Variants in POLK observed in about 807,000 individuals in gnomAD.
The protein encoded by POLK is polymerase (DNA directed) kappa.
Under a neutral mutation model 94.0 loss-of-function variants are expected in POLK, and 76 were observed. That is an observed-to-expected ratio of 0.81 (90% CI 0.67 to 0.98). POLK has a LOEUF of 0.98. Among genes scored for constraint, POLK ranks in the 50% least tolerant of loss-of-function variants. POLK has a pLI of 0.00. For missense variants in POLK, 954 were observed against 1,010.1 expected, an observed-to-expected ratio of 0.94 and a Z score of 0.75; for synonymous variants, 349 against 325.4, an observed-to-expected ratio of 1.07 and a Z score of -0.78.
chr5:75,579,016 C>T (rs746180055), intron 6 of POLK, among the ~76,000 whole-genome samples: 3 of 152,176 alleles, frequency 2.0e-5, no homozygotes, highest in Admixed American at 6.5e-5. Context: ...GAAACTACTT[C>T]AGCTCTTAGT....
In POLK at chr5:75,569,662, G is replaced by A. The variant is rs149547209; in HGVS notation, c.408+170G>A. ...TCCTTTCAACATACTTTAAGGCAGG[G>A]GACCCCAACCCCCAGTTCACAGATT... On this transcript the variant is annotated intron_variant, in intron 4 of 14. Transcript: ENST00000241436. Among the ~76,000 whole-genome samples the A allele has an allele frequency of 7.2e-4, 110 of 152,188 alleles. 1 individual carries two copies. Among genetic ancestry groups the A allele is most frequent in the African/African-American group, 2.6e-3 (106 of 41,532 alleles).
At position 75,578,778 on chromosome 5, in the gene POLK, G is replaced by A. The variant is rs5744660; in HGVS notation, c.694+1845G>A. The stretch of plus-strand genomic sequence containing the variant: ...CATTTTCTAAAAGGTGTTTGTCTTT[G>A]GAAATATATTGCTAACTACCATCTC... On this transcript the variant is annotated intron_variant, in intron 6 of 14. Coordinates refer to ENST00000241436, the Ensembl canonical transcript of POLK. 7.2e-4 allele frequency among the ~76,000 whole-genome samples: 109 copies of A among 152,080 alleles called. 1 individual carries two copies. The highest frequency in any genetic ancestry group is 6.8e-3 in the Middle Eastern group (2 of 294).
chr5:75,514,625 T>C (rs1405279486), intron 1 of POLK, among the ~76,000 whole-genome samples: 7 of 152,234 alleles, frequency 4.6e-5, no homozygotes, highest in Non-Finnish European at 7.3e-5. Context: ...AGATCATCGC[T>C]AGTGAATAGT....
intron 11 of POLK, among the ~76,000 whole-genome samples, chr5:75,593,348 T>C (rs1010222111): frequency 2.0e-5 from 3 of 152,018 alleles, no homozygotes; most frequent in African/African-American, 7.3e-5. Flanking sequence ...GCCAGGCTGG[T>C]CTTGAACTCC....
intron 6 of POLK, 93 bp downstream of exon 6, chr5:75,577,026 A>C: frequency 1.4e-6 from 1 of 735,572 alleles, no homozygotes; most frequent in Non-Finnish European, 2.1e-6. Context: ...ATTAGCCTGC[A>C]TAGGTAGAAG....
chr5:75,592,412 T>C (rs553612270), intron 11 of POLK, among the ~76,000 whole-genome samples: 4 of 152,314 alleles, frequency 2.6e-5, no homozygotes, highest in Admixed American at 2.0e-4. Context: ...TAATGGTCTT[T>C]TATAAAAATT....
At chr5:75,575,073 A>G (rs1463447572) in intron 5 of POLK, among the ~76,000 whole-genome samples, 3 of 152,214 alleles carry the variant, frequency 2.0e-5, no homozygotes, top group Non-Finnish European at 4.4e-5. Flanking sequence ...TAGCTAGTTT[A>G]TATGCAGATA....
intron 4 of POLK, among the ~76,000 whole-genome samples, chr5:75,571,142 T>A (rs906076509): frequency 6.6e-6 from 1 of 152,200 alleles, no homozygotes; most frequent in Non-Finnish European, 1.5e-5. Flanking sequence ...TCAGTTATTG[T>A]TTCTAAATTC....
At chr5:75,545,032 C>A (rs573873273) in intron 1 of POLK, among the ~76,000 whole-genome samples, 4 of 152,200 alleles carry the variant, frequency 2.6e-5, no homozygotes, top group Admixed American at 2.6e-4. Context: ...CTTCTACTCC[C>A]AGACCTTCTG....
intron 5 of POLK, among the ~76,000 whole-genome samples, chr5:75,574,439 A>G (rs1392034255): frequency 2.0e-5 from 3 of 152,196 alleles, no homozygotes. Context: ...AAACTGTCAT[A>G]TGTGAAAACC....
Position 75,573,755 on chromosome 5 carries a change from T to C in POLK, c.426T>C (p.His142=), listed in dbSNP as rs756821311. 125 of 1,613,104 alleles carry C rather than the reference T, an allele frequency of 7.7e-5. No homozygotes were observed. In the Admixed American group the frequency reaches 8.7e-4, roughly 11 times the overall value. ...TCTTTCAGTCTACTTCAAATTACCATGCAAGGAGATTTGGTGTTCGTGCAG... is the reference window on the plus strand; with the variant it reads ...TCTTTCAGTCTACTTCAAATTACCACGCAAGGAGATTTGGTGTTCGTGCAG... Residue 142 remains histidine, a synonymous_variant, in exon 5 of 15, where the codon CAT becomes CAC. Coordinates refer to ENST00000241436, the Ensembl canonical transcript of POLK.
rs753777812 is a variant in POLK at position 75,587,005 on chromosome 5, AC to A, written c.1227-19del. On this transcript the variant is annotated intron_variant, in intron 9 of 14. Transcript: ENST00000241436. ...AAAACTCAGTCTTTGAAAAATAAAG[AC>A]CTTTTTTTTTCATTTCAAGGGATGG... is the stretch of plus-strand genomic sequence containing the variant. 54 of 1,527,752 alleles carry A rather than the reference AC, an allele frequency of 3.5e-5. No individual in the cohort carries two copies. The East Asian group carries it at 1.0e-3, about 29-fold the overall frequency. 94.6% of individuals were successfully genotyped at this position (1,527,752 alleles called of 1,614,324 possible). A position where few individuals can be genotyped will look rare whatever the true frequency, so the allele number is the denominator to read the frequency against.
chr5:75,589,173 C>T (rs763361146), intron 10 of POLK, among the ~76,000 whole-genome samples: 19 of 151,822 alleles, frequency 1.3e-4, no homozygotes, highest in Admixed American at 5.9e-4. Flanking sequence ...ACTGTAATAT[C>T]CATGAATAGA....
chr5:75,527,332 T>G (rs902476007), intron 1 of POLK, among the ~76,000 whole-genome samples: 1 of 151,854 alleles, frequency 6.6e-6, no homozygotes. Flanking sequence ...CTGGGCAACA[T>G]AGACCCTGTC....
intron 1 of POLK, among the ~76,000 whole-genome samples, chr5:75,527,305 A>G (rs1352201133): frequency 6.6e-6 from 1 of 152,000 alleles, no homozygotes; most frequent in Non-Finnish European, 1.5e-5. Flanking sequence ...GCTTCAGCCC[A>G]GGAGTTCTAG....
At chr5:75,541,455 T>C (rs1769738031) in intron 1 of POLK, among the ~76,000 whole-genome samples, 1 of 152,200 alleles carries the variant, frequency 6.6e-6, no homozygotes, top group South Asian at 2.1e-4. Flanking sequence ...TTAATGTCTT[T>C]AGGATGAAGT....
rs775957841 is a variant in POLK at position 75,584,916 on chromosome 5, C to T, written c.1216C>T (p.His406Tyr). 4.3e-5 allele frequency: 69 copies of T among 1,589,000 alleles called. No homozygotes were observed. Among genetic ancestry groups the T allele is most frequent in the Non-Finnish European group, 5.8e-5 (67 of 1,165,160 alleles). ...TATCTCCTTGGGTCTAGGTTCAACA[C>T]ACCTGACGAGGTATCTATATGTATT... The change falls in exon 9 of 15, where the codon CAC (histidine) becomes TAC (tyrosine). Residue 406 changes from histidine to tyrosine, a missense_variant. Coordinates refer to ENST00000241436, the Ensembl canonical transcript of POLK.
chr5:75,562,572 A>T lies in POLK; in HGVS notation c.256-6768A>T, dbSNP rs113354358. Among the ~76,000 whole-genome samples the T allele has an allele frequency of 2.6e-5, 4 of 152,110 alleles. No individual in the cohort carries two copies. The East Asian group carries it at 5.8e-4, about 22-fold the overall frequency. On this transcript the variant is annotated intron_variant, in intron 3 of 14. Coordinates refer to ENST00000241436, the Ensembl canonical transcript of POLK. Reference sequence around the variant, plus strand: ...TTGAATAGGAGTGGTGAGAGAGGACATCCTTGTCTAGTGCTGGTTTTCAAA... The same window carrying T: ...TTGAATAGGAGTGGTGAGAGAGGACTTCCTTGTCTAGTGCTGGTTTTCAAA...
At chr5:75,573,565 G>A (rs910626647) in intron 4 of POLK, among the ~76,000 whole-genome samples, 173 bp from the exon 5 acceptor site, 10 of 152,080 alleles carry the variant, frequency 6.6e-5, no homozygotes, top group African/African-American at 9.6e-5. Flanking sequence ...AAAAAACAAT[G>A]CTTAATACAT....
Sources: allele counts gnomAD v4.1 joint callset (sites outside exome capture counted in the v4.1 genomes callset), GRCh38; gene constraint gnomAD v4.1.1; transcripts MANE v1.5; gene names NCBI Gene and HGNC (gene_info 2026-07-23, HGNC 2026-07-21).